The following ACOT6 variants were observed in gnomAD, a reference collection of about 807,000 sequenced individuals.
ACOT6 encodes the protein acyl-coenzyme A thioesterase 6.
A neutral mutation model predicts 12.3 loss-of-function variants in ACOT6; 14 were observed. That is an observed-to-expected ratio of 1.14 (90% CI 0.75 to 1.78). The LOEUF (loss-of-function observed/expected upper bound fraction) is 1.78, where lower values mean the gene tolerates loss of function less well. Ranked by LOEUF, ACOT6 falls within the 40% of genes most tolerant of loss-of-function variation. The pLI, the probability that ACOT6 is intolerant of heterozygous loss-of-function variation, is 0.00. For synonymous variants in ACOT6, 218 were observed against 231.3 expected (o/e 0.94, Z 0.52); for missense variants, 523 against 551.8 (o/e 0.95, Z 0.52).
intron 2 of ACOT6, among the ~76,000 whole-genome samples, chr14:73,618,956 C>G (rs1163318017): frequency 6.6e-6 from 1 of 152,046 alleles, no homozygotes; most frequent in East Asian, 1.9e-4. Flanking sequence ...ATGGTGAAAC[C>G]CTGTCTCTAC....
At chr14:73,611,171 A>G (rs1890439935), upstream of ACOT6, 2 of 152,158 alleles carry the variant, frequency 1.3e-5, no homozygotes. Flanking sequence ...CTTTTTGTTC[A>G]GTTTATACAT....
intron 1 of ACOT6, chr14:73,616,625 G>T (rs1199080086): frequency 6.5e-6 from 1 of 154,692 alleles, no homozygotes; most frequent in Non-Finnish European, 1.4e-5. Flanking sequence ...AACCCAGGGG[G>T]CAGAGGTTGC....
In ACOT6 at chr14:73,619,431, G is replaced by T. The variant is rs745456429; in HGVS notation, c.858G>T (p.Lys286Asn). 6.2e-7 allele frequency: 1 copy of T among 1,614,150 alleles called. No homozygotes were observed. The highest frequency in any genetic ancestry group is 8.5e-7 in the Non-Finnish European group (1 of 1,180,006). ...ATCTAGGAAAAGTAAAAATCACTAA[G>T]TCAGGATTTCTCACTTTTATGGACA... ...VDDLGKVKITKSGFLTFMDTW... is the reference protein window; with the variant it reads ...VDDLGKVKITNSGFLTFMDTW... The change falls in exon 3 of 3, where the codon AAG becomes AAT. Residue 286 changes from lysine (K) to asparagine (N), a missense_variant. Physicochemically the swap from Lys to Asn is moderately conservative, Grantham distance 94. Transcript: ENST00000645972.
intron 2 of ACOT6, among the ~76,000 whole-genome samples, chr14:73,617,599 C>T (rs1890561226): frequency 1.3e-5 from 2 of 152,126 alleles, no homozygotes; most frequent in Non-Finnish European, 2.9e-5. Context: ...CTGCATCTAC[C>T]ACAGAGTGGC....
At chr14:73,617,651 A>G (rs557153935) in intron 2 of ACOT6, among the ~76,000 whole-genome samples, 11 of 152,244 alleles carry the variant, frequency 7.2e-5, no homozygotes, top group African/African-American at 2.4e-4. Flanking sequence ...CTGGAGTTCA[A>G]TTTTCCTCCT....
At chr14:73,615,035 G>A (rs1890510125) in intron 1 of ACOT6, among the ~76,000 whole-genome samples, 1 of 147,190 alleles carries the variant, frequency 6.8e-6, no homozygotes, top group South Asian at 2.1e-4. Flanking sequence ...GTTGCAGTGA[G>A]CCAAGATCGC....
At chr14:73,613,315 C>G (rs916072811) in intron 1 of ACOT6, among the ~76,000 whole-genome samples, 1 of 152,034 alleles carries the variant, frequency 6.6e-6, no homozygotes. Context: ...CCTGGAGGCA[C>G]CACCACTTTA....
intron 1 of ACOT6, 187 bp from the exon 2 acceptor site, chr14:73,616,807 G>A: frequency 1.9e-6 from 1 of 516,142 alleles, no homozygotes; most frequent in Non-Finnish European, 3.4e-6. Context: ...CGCCTGAGTA[G>A]TATACATTGT....
At chr14:73,615,388 TAA>T (rs1160138803) in intron 1 of ACOT6, among the ~76,000 whole-genome samples, 2 of 63,330 alleles carry the variant, frequency 3.2e-5, no homozygotes, top group Non-Finnish European at 5.3e-5. Flanking sequence ...CTCTGTCTGA[TAA>T]AAAAAAAAAA....
Position 73,619,836 on chromosome 14 carries a change from A to G in ACOT6, c.1263A>G (p.Ile421Met). 6.3e-7 allele frequency: 1 copy of G among 1,590,710 alleles called. No individual in the cohort carries two copies. The highest frequency in any genetic ancestry group is 8.5e-7 in the Non-Finnish European group (1 of 1,171,634). ...AAAAATCTGTCAAGCACAGCAAAAT[A>G]TAACATTGTAGCCACAGACCAGATA... ...NGKKSVKHSK[I>M] Residue 421 changes from isoleucine (I) to methionine (M), a missense_variant, in exon 3 of 3, where the codon ATA becomes ATG. This residue lies in a region of ACOT6 where 219 missense variants were observed against 277.0 expected (regional missense o/e 0.79). Coordinates refer to ENST00000645972, the MANE Select transcript of ACOT6 (RefSeq NM_001365788.1).
At chr14:73,614,823 G>A (rs1595185658) in intron 1 of ACOT6, among the ~76,000 whole-genome samples, 1 of 151,848 alleles carries the variant, frequency 6.6e-6, no homozygotes, top group African/African-American at 2.4e-5. Context: ...GGAGCCGGGC[G>A]CAGTGGCTCA....
Position 73,612,830 on chromosome 14 carries a change from G to T in ACOT6, c.259G>T (p.Glu87Ter). The T allele has an allele frequency of 7.0e-7, 1 of 1,424,810 alleles. No individual in the cohort carries two copies. Among genetic ancestry groups the T allele is most frequent in the Non-Finnish European group, 9.3e-7 (1 of 1,073,018 alleles). 88.3% of individuals were successfully genotyped at this position (1,424,810 alleles called of 1,614,324 possible). Residue 87 changes from glutamate (E) to a stop codon, truncating the protein, a stop_gained, in exon 1 of 3, where the codon GAG (glutamate) becomes TAG (stop). Coordinates refer to ENST00000645972, the MANE Select transcript of ACOT6 (RefSeq NM_001365788.1). LOFTEE classifies it high-confidence loss of function. ...GGGGCTGCTGTGGGCGTTGGAGCCC[G>T]AGAAAGCCTTGGTGCGGCTGGTGAA... ...PMGLLWALEP[E>*]KALVRLVKRD...
intron 1 of ACOT6, among the ~76,000 whole-genome samples, chr14:73,615,388 TA>T (rs1160138803): frequency 0.016 from 1,030 of 63,324 alleles, 26 homozygotes; most frequent in African/African-American, 0.095. Context: ...CTCTGTCTGA[TA>T]AAAAAAAAAA....
rs1220903366 is a variant in ACOT6, at chr14:73,613,055, G to C, written c.461+23G>C. The C allele has an allele frequency of 4.5e-6, 3 of 661,108 alleles. No individual in the cohort carries two copies. The South Asian group carries it at 7.1e-5, about 16-fold the overall frequency. 41.0% of individuals were successfully genotyped at this position (661,108 alleles called of 1,614,324 possible). ...TGAGTAGTCTGCCCAGAATTTGGTC[G>C]AGCTCTGCGACCCCCACCGGCCCCT... is the stretch of plus-strand genomic sequence containing the variant. On this transcript the variant is annotated intron_variant, in intron 1 of 2. Coordinates refer to ENST00000645972, the MANE Select transcript of ACOT6 (RefSeq NM_001365788.1).
chr14:73,618,843 G>T (rs890538583), intron 2 of ACOT6, among the ~76,000 whole-genome samples: 6 of 151,980 alleles, frequency 3.9e-5, no homozygotes, highest in Non-Finnish European at 8.8e-5. Flanking sequence ...AGTTAAGAAA[G>T]CTACTGGCGG....
chr14:73,614,375 T>G (rs1269929106), intron 1 of ACOT6, among the ~76,000 whole-genome samples: 1 of 152,186 alleles, frequency 6.6e-6, no homozygotes, highest in Non-Finnish European at 1.5e-5. Flanking sequence ...GGGCTGGAAT[T>G]GGGTCTTACA....
Position 73,612,803 on chromosome 14 carries a change from A to C in ACOT6, c.232A>C (p.Met78Leu). 1.4e-6 allele frequency: 2 copies of C among 1,402,358 alleles called. No homozygotes were observed. The highest frequency in any genetic ancestry group is 3.0e-5 in the East Asian group (1 of 33,132). 86.9% of individuals were successfully genotyped at this position (1,402,358 alleles called of 1,614,324 possible). The change falls in exon 1 of 3, where the codon ATG becomes CTG. Residue 78 changes from methionine to leucine, a missense_variant. Physicochemically the swap from Met to Leu is conservative, Grantham distance 15 (BLOSUM62 2). Transcript: ENST00000645972. ...LGGSFAGLQP[M>L]GLLWALEPEK... ...AGGCAGCTTCGCGGGGCTCCAGCCCATGGGGCTGCTGTGGGCGTTGGAGCC... is the reference window on the plus strand; with the variant it reads ...AGGCAGCTTCGCGGGGCTCCAGCCCCTGGGGCTGCTGTGGGCGTTGGAGCC...
At chr14:73,619,205 C>A in intron 2 of ACOT6, 29 bp from the exon 3 acceptor site, 2 of 1,527,108 alleles carry the variant, frequency 1.3e-6, no homozygotes, top group Non-Finnish European at 1.8e-6. Context: ...GAATTCTAAG[C>A]TTGTTTTCCT....
At position 73,612,567 on chromosome 14, in the gene ACOT6, T is replaced by A. The variant is rs1566869769; in HGVS notation, c.-5T>A. On this transcript the variant is annotated 5_prime_UTR_variant, in exon 1 of 3. It adds an upstream start codon to the 5' untranslated region. Transcript: ENST00000645972. Reference sequence around the variant, plus strand: ...CTGGGTCGCCCCTGTTCTACCCAGATTGGGATGGCAGCGACGCTGATCCTG... The same window carrying A: ...CTGGGTCGCCCCTGTTCTACCCAGAATGGGATGGCAGCGACGCTGATCCTG... 1.4e-6 allele frequency: 2 copies of A among 1,379,798 alleles called. No individual in the cohort carries two copies. Among genetic ancestry groups the A allele is most frequent in the African/African-American group, 1.5e-5 (1 of 66,052 alleles). The allele number at this position is 1,379,798 out of a possible 1,614,324, so 85.5% of individuals were successfully genotyped here.
Sources: allele counts gnomAD v4.1 joint callset (sites outside exome capture counted in the v4.1 genomes callset), GRCh38; gene constraint gnomAD v4.1.1; regional missense constraint gnomAD v4.1.1; transcripts MANE v1.5; gene names NCBI Gene and HGNC (gene_info 2026-07-23, HGNC 2026-07-21).